Variants in RFX4 observed in about 807,000 individuals in gnomAD.
RFX4 encodes regulatory factor X4.
RFX4 carries 10 observed loss-of-function variants against 95.0 expected under a neutral mutation model. That is an observed-to-expected ratio of 0.11 (90% CI 0.06 to 0.18). The LOEUF is 0.18. Among genes scored for constraint, RFX4 ranks in the 10% least tolerant of loss-of-function variants. RFX4 has a pLI of 1.00. For missense variants in RFX4, 640 were observed against 922.0 expected (o/e 0.69, Z 3.96); for synonymous variants, 321 against 340.7 (o/e 0.94, Z 0.64).
chr12:106,639,994 A>G (rs1036442162), intron 3 of RFX4, among the ~76,000 whole-genome samples: 8 of 152,244 alleles, frequency 5.3e-5, no homozygotes, highest in Admixed American at 5.2e-4. Flanking sequence ...AATCTTGGCC[A>G]TTGAAGGCGA....
At chr12:106,671,378 C>T (rs1249072283) in intron 4 of RFX4, among the ~76,000 whole-genome samples, 2 of 152,012 alleles carry the variant, frequency 1.3e-5, no homozygotes, top group Non-Finnish European at 2.9e-5. Flanking sequence ...GACTGAATGG[C>T]CTTCCTGGGT....
At chr12:106,722,711 T>TC (rs747424854) in intron 13 of RFX4, among the ~76,000 whole-genome samples, 1 of 152,190 alleles carries the variant, frequency 6.6e-6, no homozygotes, top group Admixed American at 6.5e-5. Flanking sequence ...AATACCTGTC[T>TC]CCAAGTCCAT....
At chr12:106,605,062 G>A (rs2039798441) in intron 1 of RFX4, among the ~76,000 whole-genome samples, 1 of 152,106 alleles carries the variant, frequency 6.6e-6, no homozygotes, top group South Asian at 2.1e-4. Context: ...CCTATTAATA[G>A]CACCCACCTC....
At chr12:106,745,233 C>G (rs1310480876) in intron 15 of RFX4, among the ~76,000 whole-genome samples, 1 of 152,100 alleles carries the variant, frequency 6.6e-6, no homozygotes, top group African/African-American at 2.4e-5. Context: ...TTGGATTTAA[C>G]CATCAGTTTC....
chr12:106,739,383 C>G (rs1205470243), intron 15 of RFX4, among the ~76,000 whole-genome samples: 2 of 152,044 alleles, frequency 1.3e-5, no homozygotes, highest in Non-Finnish European at 2.9e-5. Context: ...CTCCATTTTT[C>G]AGCTGTGAAA....
chr12:106,715,330 C>T (rs2042266465), intron 10 of RFX4, 70 bp from the exon 11 acceptor site: 1 of 1,536,292 alleles, frequency 6.5e-7, no homozygotes, highest in Non-Finnish European at 8.8e-7. Context: ...ATTAACAAGG[C>T]ATAAAAGGAA....
At chr12:106,701,898 T>G (rs2041999032) in intron 8 of RFX4, among the ~76,000 whole-genome samples, 1 of 152,108 alleles carries the variant, frequency 6.6e-6, no homozygotes, top group Non-Finnish European at 1.5e-5. Flanking sequence ...GTGCCTATAG[T>G]CTAGCCACTC....
intron 4 of RFX4, among the ~76,000 whole-genome samples, chr12:106,667,378 G>C (rs571198588): frequency 1.3e-5 from 2 of 152,248 alleles, no homozygotes; most frequent in Non-Finnish European, 2.9e-5. Flanking sequence ...TTGTTAAGAA[G>C]AACAGAGTGC....
intron 3 of RFX4, among the ~76,000 whole-genome samples, chr12:106,649,882 C>T (rs2040826055): frequency 6.6e-6 from 1 of 152,184 alleles, no homozygotes; most frequent in Non-Finnish European, 1.5e-5. Context: ...GTCCTCCTCA[C>T]ATCTGGCAGC....
chr12:106,628,564 A>C (rs2040350913), intron 2 of RFX4, among the ~76,000 whole-genome samples: 1 of 152,102 alleles, frequency 6.6e-6, no homozygotes, highest in Admixed American at 6.5e-5. Context: ...CTTAAAAGTT[A>C]GAATAGTTTT....
intron 3 of RFX4, among the ~76,000 whole-genome samples, chr12:106,642,815 C>A (rs1281588683): frequency 6.6e-6 from 1 of 152,104 alleles, no homozygotes; most frequent in East Asian, 1.9e-4. Context: ...AAACCAGGGA[C>A]AGGGGAATGT....
intron 9 of RFX4, among the ~76,000 whole-genome samples, 177 bp from the exon 10 acceptor site, chr12:106,711,276 A>G (rs1240970020): frequency 6.6e-6 from 1 of 152,208 alleles, no homozygotes; most frequent in African/African-American, 2.4e-5. Context: ...TGAAGCCCAC[A>G]TGGGAGAACA....
At chr12:106,604,718 C>A (rs2039789267) in intron 1 of RFX4, among the ~76,000 whole-genome samples, 1 of 152,136 alleles carries the variant, frequency 6.6e-6, no homozygotes. Flanking sequence ...ATAAAACGGG[C>A]TCCATTATTA....
At chr12:106,650,659 C>T (rs548109223) in intron 3 of RFX4, among the ~76,000 whole-genome samples, 5 of 151,768 alleles carry the variant, frequency 3.3e-5, no homozygotes, top group East Asian at 1.9e-4. Flanking sequence ...ACCGGGGAGG[C>T]GGAGGTTGCG....
In RFX4 at chr12:106,654,965, GTCAATACATCTAAACC is replaced by G. The variant is rs559423710; in HGVS notation, c.315+616_315+631del. 4.8e-3 allele frequency among the ~76,000 whole-genome samples: 731 copies of G among 152,266 alleles called. 18 individuals are homozygous for G. Among genetic ancestry groups the G allele is most frequent in the Admixed American group, 0.043 (660 of 15,274 alleles). ...TACACCAAAAAAATACCCAATTTGA[GTCAATACATCTAAACC>G]TTCCTCCTTTTGTTAGCTTCCTTTT... On this transcript the variant is annotated intron_variant, in intron 4 of 17. Transcript: ENST00000392842.
intron 13 of RFX4, among the ~76,000 whole-genome samples, chr12:106,727,769 G>A (rs373804778): frequency 2.6e-5 from 4 of 151,930 alleles, no homozygotes; most frequent in African/African-American, 4.8e-5. Flanking sequence ...ACAGGTGCGC[G>A]CCACCACACC....
At chr12:106,665,965 C>T (rs2041169171) in intron 4 of RFX4, among the ~76,000 whole-genome samples, 1 of 151,932 alleles carries the variant, frequency 6.6e-6, no homozygotes, top group African/African-American at 2.4e-5. Flanking sequence ...CTTATTCCTT[C>T]TTCAGTCCTC....
chr12:106,683,042 A>T (rs1296983063), intron 5 of RFX4: 1 of 152,238 alleles, frequency 6.6e-6, no homozygotes, highest in Admixed American at 6.5e-5. Context: ...GTGCCTTATT[A>T]TGCAGCATTT....
intron 13 of RFX4, among the ~76,000 whole-genome samples, chr12:106,727,865 C>T (rs1399905607): frequency 2.6e-5 from 4 of 152,114 alleles, no homozygotes; most frequent in African/African-American, 9.7e-5. Flanking sequence ...ATGATCTGCC[C>T]GCCTCGGCCT....
Sources: allele counts gnomAD v4.1 joint callset (sites outside exome capture counted in the v4.1 genomes callset), GRCh38; gene constraint gnomAD v4.1.1; transcripts MANE v1.5; gene names NCBI Gene and HGNC (gene_info 2026-07-23, HGNC 2026-07-21).